Variants in TNS1 observed in about 807,000 individuals in gnomAD.
TNS1 encodes tensin-1.
A neutral mutation model predicts 168.6 loss-of-function variants in TNS1; 62 were observed. The observed-to-expected ratio is 0.37, with a 90% CI of 0.30 to 0.45. The LOEUF (loss-of-function observed/expected upper bound fraction) is 0.45. Among genes scored for constraint, TNS1 ranks in the 20% least tolerant of loss-of-function variants. The pLI is 1.00. For synonymous variants in TNS1, 934 were observed against 933.2 expected (o/e 1.00, Z -0.02); for missense variants, 2,240 against 2,339.4 (o/e 0.96, Z 0.88).
intron 6 of TNS1, among the ~76,000 whole-genome samples, chr2:217,905,045 G>A (rs1953488556): frequency 6.6e-6 from 1 of 152,188 alleles, no homozygotes; most frequent in Non-Finnish European, 1.5e-5. Flanking sequence ...CTGCCATACA[G>A]GGGTGTCAGG....
At chr2:217,977,215 A>G (rs2126043758) in intron 3 of TNS1, among the ~76,000 whole-genome samples, 1 of 152,310 alleles carries the variant, frequency 6.6e-6, no homozygotes, top group Middle Eastern at 3.4e-3. Context: ...TTAAGGCAAA[A>G]AACTCTGCTC....
At chr2:217,830,780 GGA>G (rs748052748) in intron 22 of TNS1, among the ~76,000 whole-genome samples, 104 of 152,356 alleles carry the variant, frequency 6.8e-4, no homozygotes, top group Non-Finnish European at 1.3e-3. Context: ...CACAGGCCAG[GGA>G]GAGTCAGAAG....
At chr2:218,028,855 C>T (rs1181730115) in intron 1 of TNS1, among the ~76,000 whole-genome samples, 1 of 152,190 alleles carries the variant, frequency 6.6e-6, no homozygotes, top group Non-Finnish European at 1.5e-5. Flanking sequence ...GGTCCCCTTT[C>T]CTCCCCACTA....
rs1184491897 is a variant in TNS1, at chr2:217,815,009, A to T, written c.4643-11T>A. On this transcript the variant is annotated splice_polypyrimidine_tract_variant and intron_variant, in intron 24 of 32. Coordinates refer to ENST00000682258, the MANE Select transcript of TNS1 (RefSeq NM_001387777.1). ...TCTCCGGGCTGTTGTCTAAAGCAGG[A>T]GAAGGGAAGAAAGTGTTATGGGTTA... 1 of 1,606,608 alleles carries T rather than the reference A, an allele frequency of 6.2e-7. No individual in the cohort carries two copies. Among genetic ancestry groups the T allele is most frequent in the Non-Finnish European group, 8.5e-7 (1 of 1,175,626 alleles).
At chr2:217,831,970 CAG>C (rs1289628399) in intron 21 of TNS1, among the ~76,000 whole-genome samples, 4 of 151,750 alleles carry the variant, frequency 2.6e-5, no homozygotes, top group African/African-American at 9.7e-5. Context: ...CACACACACA[CAG>C]ACACACACAG....
At chr2:217,933,239 G>C (rs970885238) in intron 3 of TNS1, among the ~76,000 whole-genome samples, 51 of 152,188 alleles carry the variant, frequency 3.4e-4, no homozygotes, top group African/African-American at 1.2e-3. Context: ...AGGGGAAGGA[G>C]GAGGGCAAAC....
intron 3 of TNS1, among the ~76,000 whole-genome samples, chr2:217,941,248 G>A (rs867313219): frequency 2.0e-5 from 3 of 152,142 alleles, no homozygotes; most frequent in Admixed American, 6.5e-5. Context: ...ACCCACCCCC[G>A]GTCCTTGCAC....
chr2:217,885,292 A>C, intron 15 of TNS1, 128 bp from the exon 16 acceptor site: 35 of 1,299,002 alleles, frequency 2.7e-5, no homozygotes, highest in Middle Eastern at 2.6e-4. Context: ...GGGAGAGCTC[A>C]TCAACACCAA....
chr2:217,831,970 C>CAG (rs1289628399), intron 21 of TNS1, among the ~76,000 whole-genome samples: 3 of 151,750 alleles, frequency 2.0e-5, no homozygotes, highest in Non-Finnish European at 4.4e-5. Flanking sequence ...CACACACACA[C>CAG]AGACACACAC....
At chr2:217,856,049 T>C (rs1441357879) in intron 18 of TNS1, among the ~76,000 whole-genome samples, 2 of 152,150 alleles carry the variant, frequency 1.3e-5, no homozygotes, top group South Asian at 2.1e-4. Flanking sequence ...AGGGAGTTGA[T>C]GAACACCCCA....
chr2:217,893,650 C>G, intron 9 of TNS1, 89 bp from the exon 10 acceptor site: 1 of 1,499,026 alleles, frequency 6.7e-7, no homozygotes, highest in Non-Finnish European at 8.9e-7. Flanking sequence ...GTGCCAGTAC[C>G]TGGGCAGTGG....
chr2:217,872,991 T>A (rs1227525690), intron 18 of TNS1, among the ~76,000 whole-genome samples: 2 of 152,182 alleles, frequency 1.3e-5, no homozygotes, highest in Non-Finnish European at 2.9e-5. Flanking sequence ...TAGACAAATC[T>A]ACAGAGACAG....
At chr2:217,981,081 G>C (rs530815846) in intron 2 of TNS1, among the ~76,000 whole-genome samples, 1 of 152,192 alleles carries the variant, frequency 6.6e-6, no homozygotes, top group African/African-American at 2.4e-5. Context: ...AGAGGGCAAG[G>C]AGCATGCCTG....
rs76263243 is a variant in TNS1 at position 217,918,226 on chromosome 2, G to A, written c.228+1969C>T. Among the ~76,000 whole-genome samples the A allele has an allele frequency of 3.4e-4, 52 of 152,332 alleles. No homozygotes were observed. In the East Asian group the frequency reaches 9.5e-3, roughly 28 times the overall value. ...TTACAGCATAGGTACCGTCACTAAC[G>A]TCCATTATGAAGAAGAGAAACGGAG... On this transcript the variant is annotated intron_variant, in intron 4 of 32. Transcript: ENST00000682258.
At chr2:217,932,235 C>T (rs1244411852) in intron 3 of TNS1, among the ~76,000 whole-genome samples, 1 of 152,138 alleles carries the variant, frequency 6.6e-6, no homozygotes, top group Non-Finnish European at 1.5e-5. Flanking sequence ...TTTCTAACTA[C>T]AGGGTAAGAG....
intron 1 of TNS1, among the ~76,000 whole-genome samples, chr2:218,031,426 AGT>A (rs542774225): frequency 3.3e-4 from 32 of 96,938 alleles, no homozygotes; most frequent in Non-Finnish European, 5.3e-4. Flanking sequence ...TGTGTGTATA[AGT>A]GTGTGTGTGC....
intron 3 of TNS1, 128 bp downstream of exon 3, chr2:217,978,637 T>G (rs1957954550): frequency 5.5e-6 from 2 of 364,262 alleles, no homozygotes; most frequent in Non-Finnish European, 1.0e-5. Context: ...GCGCTTTGCA[T>G]AAACAAAGAG....
At chr2:217,808,189 AG>A in intron 31 of TNS1, 82 bp from the exon 32 acceptor site, 1 of 1,531,164 alleles carries the variant, frequency 6.5e-7, no homozygotes, top group East Asian at 2.3e-5. Context: ...GACCCTCTGC[AG>A]GAAGGTCTGG....
At chr2:217,874,745 C>A (rs1019311401) in intron 18 of TNS1, among the ~76,000 whole-genome samples, 4 of 152,252 alleles carry the variant, frequency 2.6e-5, no homozygotes, top group African/African-American at 9.6e-5. Flanking sequence ...GCATGCGCCA[C>A]TCTGCTTTTC....
Sources: allele counts gnomAD v4.1 joint callset (sites outside exome capture counted in the v4.1 genomes callset), GRCh38; gene constraint gnomAD v4.1.1; transcripts MANE v1.5; gene names NCBI Gene and HGNC (gene_info 2026-07-23, HGNC 2026-07-21).